Variants in FBXO48 observed in about 807,000 individuals in gnomAD.
FBXO48 encodes F-box protein 48.
In FBXO48, 12 loss-of-function variants were observed where a neutral mutation model predicts 14.3. That is an observed-to-expected ratio of 0.84 (90% CI 0.54 to 1.36). The LOEUF is 1.36. Ranked by LOEUF, FBXO48 falls within the 40% of genes most tolerant of loss-of-function variation. FBXO48 has a pLI of 0.00. For synonymous variants in FBXO48, 53 were observed against 61.7 expected, an observed-to-expected ratio of 0.86 and a Z score of 0.66; for missense variants, 177 against 179.1, an observed-to-expected ratio of 0.99 and a Z score of 0.07.
rs977276762 is a variant in FBXO48 at position 68,460,859 on chromosome 2, T to C, written c.*3350A>G. 2 of 152,064 alleles carry C rather than the reference T, an allele frequency of 1.3e-5. No individual in the cohort carries two copies. Among genetic ancestry groups the C allele is most frequent in the South Asian group, 2.1e-4 (1 of 4,824 alleles). 9.4% of individuals were successfully genotyped at this position (152,064 alleles called of 1,614,324 possible). ...TCCAAGAGACTATAGTTCCAACCCA[T>C]GGAGGAGAGAGTTTTAAGAAGTACT... On this transcript the variant is annotated 3_prime_UTR_variant, in exon 4 of 4. Transcript: ENST00000377957.
Position 68,465,030 on chromosome 2 carries a change from G to C in FBXO48, c.116C>G (p.Pro39Arg). 1 of 1,613,986 alleles carries C rather than the reference G, an allele frequency of 6.2e-7. No individual in the cohort carries two copies. Residue 39 changes from proline (P) to arginine (R), a missense_variant, in exon 3 of 4, where the codon CCT (proline) becomes CGT (arginine). Pro to Arg is a moderately radical substitution (Grantham distance 103). Coordinates refer to ENST00000377957, the MANE Select transcript of FBXO48 (RefSeq NM_001024680.3). ...GAAAATTTTAAAAGTGATTTCTGCAGGCAGCAGTTCAAAAAAGTTGTTTTG... is the reference window on the plus strand; with the variant it reads ...GAAAATTTTAAAAGTGATTTCTGCACGCAGCAGTTCAAAAAAGTTGTTTTG... Reference protein sequence around the residue: ...ESQNNFFELLPAEITFKIFSQ... With the variant: ...ESQNNFFELLRAEITFKIFSQ...
In FBXO48 at chr2:68,464,921, TAA is replaced by T. The variant is rs1345637674; in HGVS notation, c.223_224del (p.Leu75MetfsTer18). 14 of 1,613,844 alleles carry T rather than the reference TAA, an allele frequency of 8.7e-6. No individual in the cohort carries two copies. Among genetic ancestry groups the T allele is most frequent in the South Asian group, 2.2e-5 (2 of 91,080 alleles). ...TTACAGTCATGCAGTGAGGTTTCCA[TAA>T]AGAGTCACTGTTTCTTATTGTGTCA... ...WNDTIRNSDS[L>X]WKPHCMTVRA... On this transcript the variant is annotated frameshift_variant, in exon 3 of 4. Coordinates refer to ENST00000377957, the MANE Select transcript of FBXO48 (RefSeq NM_001024680.3). LOFTEE classifies it high-confidence loss of function.
In FBXO48 at chr2:68,464,172, A is replaced by G; in HGVS notation, c.*37T>C. 4 of 1,595,812 alleles carry G rather than the reference A, an allele frequency of 2.5e-6. No homozygotes were observed. Among genetic ancestry groups the G allele is most frequent in the East Asian group, 2.2e-5 (1 of 44,580 alleles). On this transcript the variant is annotated 3_prime_UTR_variant, in exon 4 of 4. Transcript: ENST00000377957. ...AACCTAAGAGTCATTTAAGTTTTAA[A>G]CTTTCAAAGACCTGAGATTTGTGAT...
At position 68,460,981 on chromosome 2, in the gene FBXO48, C is replaced by G. The variant is rs532103559; in HGVS notation, c.*3228G>C. On this transcript the variant is annotated 3_prime_UTR_variant, in exon 4 of 4. Coordinates refer to ENST00000377957, the MANE Select transcript of FBXO48 (RefSeq NM_001024680.3). ...CATTAAGTCACTTGTAATTTGGATA[C>G]CAACAGTTTCAACCATATGGAGTGA... 1 of 152,264 alleles carries G rather than the reference C, an allele frequency of 6.6e-6. No individual in the cohort carries two copies. The highest frequency in any genetic ancestry group is 2.4e-5 in the African/African-American group (1 of 41,548). The allele number at this position is 152,264 out of a possible 1,614,324, so 9.4% of individuals were successfully genotyped here.
Position 68,459,689 on chromosome 2 carries a change from C to G in FBXO48, c.*4520G>C, listed in dbSNP as rs1425811157. On this transcript the variant is annotated 3_prime_UTR_variant, in exon 4 of 4. Coordinates refer to ENST00000377957, the MANE Select transcript of FBXO48 (RefSeq NM_001024680.3). ...AATAATTTAACAAATCTTTATAGAG[C>G]ATCTAGTGTGTGCCAGGTTTTGAAG... is the stretch of plus-strand genomic sequence containing the variant. 1 of 151,856 alleles carries G rather than the reference C, an allele frequency of 6.6e-6. No individual in the cohort carries two copies. Among genetic ancestry groups the G allele is most frequent in the East Asian group, 1.9e-4 (1 of 5,204 alleles). The allele number at this position is 151,856 out of a possible 1,614,324, so 9.4% of individuals were successfully genotyped here.
At chr2:68,464,518 T>C (rs1675348356) in intron 3 of FBXO48, 148 bp from the exon 4 acceptor site, 7 of 688,064 alleles carry the variant, frequency 1.0e-5, no homozygotes, top group Non-Finnish European at 1.7e-5. Context: ...TGTGTCTGTG[T>C]ACGTGTGTGT....
At position 68,463,285 on chromosome 2, in the gene FBXO48, T is replaced by C. The variant is rs1009484781; in HGVS notation, c.*924A>G. The C allele has an allele frequency of 1.3e-5, 2 of 152,116 alleles. No individual in the cohort carries two copies. The highest frequency in any genetic ancestry group is 2.9e-5 in the Non-Finnish European group (2 of 68,028). The allele number at this position is 152,116 out of a possible 1,614,324, so 9.4% of individuals were successfully genotyped here. A position where few individuals can be genotyped will look rare whatever the true frequency, so the allele number is the denominator to read the frequency against. Reference sequence around the variant, plus strand: ...AGAATAAACAATTTGTTATAGTGAGTAGCATATAATCTGTTTTTATGAAAA... The same window carrying C: ...AGAATAAACAATTTGTTATAGTGAGCAGCATATAATCTGTTTTTATGAAAA... On this transcript the variant is annotated 3_prime_UTR_variant, in exon 4 of 4. Transcript: ENST00000377957.
Position 68,461,357 on chromosome 2 carries a change from C to T in FBXO48, c.*2852G>A, listed in dbSNP as rs2103848592. On this transcript the variant is annotated 3_prime_UTR_variant, in exon 4 of 4. Coordinates refer to ENST00000377957, the MANE Select transcript of FBXO48 (RefSeq NM_001024680.3). The stretch of plus-strand genomic sequence containing the variant: ...CAGGCCGGACTGCGGACTGCAGTGG[C>T]GCAATCTCGGCTCACTGCAAGCTCC... 7.1e-6 allele frequency: 1 copy of T among 140,546 alleles called. No individual in the cohort carries two copies. Among genetic ancestry groups the T allele is most frequent in the South Asian group, 2.2e-4 (1 of 4,498 alleles). 8.7% of individuals were successfully genotyped at this position (140,546 alleles called of 1,614,324 possible).
In FBXO48 at chr2:68,464,292, G is replaced by C; in HGVS notation, c.385C>G (p.Pro129Ala). The stretch of plus-strand genomic sequence containing the variant: ...ATGATTTTTTCTGGTAGGCTAATGG[G>C]AGAACAAATGTTGCTGTATCTGCCA... Reference protein sequence around the residue: ...LSGRYSNICSPISLPEKIMYP... With the variant: ...LSGRYSNICSAISLPEKIMYP... Residue 129 changes from proline (P) to alanine (A), a missense_variant, in exon 4 of 4, where the codon CCC becomes GCC. By Grantham distance (27) the Pro-to-Ala change is conservative. Transcript: ENST00000377957. 1.9e-6 allele frequency: 3 copies of C among 1,613,626 alleles called. No individual in the cohort carries two copies. The highest frequency in any genetic ancestry group is 2.5e-6 in the Non-Finnish European group (3 of 1,179,836).
At position 68,465,010 on chromosome 2, in the gene FBXO48, T is replaced by C; in HGVS notation, c.136A>G (p.Ile46Val). The C allele has an allele frequency of 6.2e-7, 1 of 1,613,980 alleles. No individual in the cohort carries two copies. Among genetic ancestry groups the C allele is most frequent in the Non-Finnish European group, 8.5e-7 (1 of 1,180,030 alleles). ...ELLPAEITFK[I>V]FSQLDIRSLC... ...CTCCGAATGTCCAGCTGACTGAAAA[T>C]TTTAAAAGTGATTTCTGCAGGCAGC... The change falls in exon 3 of 4, where the codon ATT becomes GTT. Residue 46 changes from isoleucine (I) to valine (V), a missense_variant. Transcript: ENST00000377957.
In FBXO48 at chr2:68,460,754, A is replaced by G. The variant is rs1261782954; in HGVS notation, c.*3455T>C. On this transcript the variant is annotated 3_prime_UTR_variant, in exon 4 of 4. Transcript: ENST00000377957. ...ACAACAGGTGGAACTTTGGGGGAAC[A>G]CTAACATGTAATGAGTAGGTGAAGG... 3 of 152,190 alleles carry G rather than the reference A, an allele frequency of 2.0e-5. No homozygotes were observed. The highest frequency in any genetic ancestry group is 4.8e-5 in the African/African-American group (2 of 41,438). 9.4% of individuals were successfully genotyped at this position (152,190 alleles called of 1,614,324 possible).
At chr2:68,465,531 A>G (rs1348229657) in intron 2 of FBXO48, among the ~76,000 whole-genome samples, 2 of 151,088 alleles carry the variant, frequency 1.3e-5, no homozygotes, top group Non-Finnish European at 3.0e-5. Flanking sequence ...TTAAAAAAAA[A>G]AAAAAGAAAA....
chr2:68,465,036 A>T lies in FBXO48; in HGVS notation c.110T>A (p.Leu37Gln). ...TTTAAAAGTGATTTCTGCAGGCAGC[A>T]GTTCAAAAAAGTTGTTTTGACTCTC... ...KNESQNNFFE[L>Q]LPAEITFKIF... Residue 37 changes from leucine to glutamine, a missense_variant, in exon 3 of 4, where the codon CTG (leucine) becomes CAG (glutamine). Physicochemically the swap from Leu to Gln is moderately radical, Grantham distance 113. Transcript: ENST00000377957. The T allele has an allele frequency of 1.2e-6, 2 of 1,614,044 alleles. No individual in the cohort carries two copies. Among genetic ancestry groups the T allele is most frequent in the Non-Finnish European group, 1.7e-6 (2 of 1,180,034 alleles).
In FBXO48 at chr2:68,462,694, T is replaced by C. The variant is rs1219789728; in HGVS notation, c.*1515A>G. The C allele has an allele frequency of 6.6e-6, 1 of 152,232 alleles. No homozygotes were observed. Among genetic ancestry groups the C allele is most frequent in the Admixed American group, 6.5e-5 (1 of 15,280 alleles). 9.4% of individuals were successfully genotyped at this position (152,232 alleles called of 1,614,324 possible). ...TTAAGAGTAAATGGGCAGAAGAGAA[T>C]GTTGTTGGGTCTAGAAATTATACTC... On this transcript the variant is annotated 3_prime_UTR_variant, in exon 4 of 4. Coordinates refer to ENST00000377957, the MANE Select transcript of FBXO48 (RefSeq NM_001024680.3).
rs1232683605 is a variant in FBXO48 at position 68,460,639 on chromosome 2, G to A, written c.*3570C>T. ...TCATGGAGATCTGATGTTGGGACACGGACATAGACGGCATTAGCACCAACA... is the reference window on the plus strand; with the variant it reads ...TCATGGAGATCTGATGTTGGGACACAGACATAGACGGCATTAGCACCAACA... On this transcript the variant is annotated 3_prime_UTR_variant, in exon 4 of 4. Transcript: ENST00000377957. 1.3e-5 allele frequency: 2 copies of A among 151,944 alleles called. No individual in the cohort carries two copies. Among genetic ancestry groups the A allele is most frequent in the Admixed American group, 1.3e-4 (2 of 15,240 alleles). 9.4% of individuals were successfully genotyped at this position (151,944 alleles called of 1,614,324 possible). A position where few individuals can be genotyped will look rare whatever the true frequency, so the allele number is the denominator to read the frequency against.
chr2:68,459,678 T>A lies in FBXO48; in HGVS notation c.*4531A>T, dbSNP rs1447444464. On this transcript the variant is annotated 3_prime_UTR_variant, in exon 4 of 4. Coordinates refer to ENST00000377957, the MANE Select transcript of FBXO48 (RefSeq NM_001024680.3). ...ATAACTATAGAAATAATTTAACAAA[T>A]CTTTATAGAGCATCTAGTGTGTGCC... 4 of 152,096 alleles carry A rather than the reference T, an allele frequency of 2.6e-5. No individual in the cohort carries two copies. Among genetic ancestry groups the A allele is most frequent in the Non-Finnish European group, 5.9e-5 (4 of 68,024 alleles). The allele number at this position is 152,096 out of a possible 1,614,324, so 9.4% of individuals were successfully genotyped here. A position where few individuals can be genotyped will look rare whatever the true frequency, so the allele number is the denominator to read the frequency against.
rs1378589367 is a variant in FBXO48 at position 68,462,737 on chromosome 2, T to C, written c.*1472A>G. 2.6e-5 allele frequency: 4 copies of C among 152,188 alleles called. No individual in the cohort carries two copies. Among genetic ancestry groups the C allele is most frequent in the African/African-American group, 4.8e-5 (2 of 41,428 alleles). 9.4% of individuals were successfully genotyped at this position (152,188 alleles called of 1,614,324 possible). ...TTATACTCTATGATCATCAGTGGAA[T>C]TGGAGAGAAGACATAGGAAGAGACA... is the stretch of plus-strand genomic sequence containing the variant. On this transcript the variant is annotated 3_prime_UTR_variant, in exon 4 of 4. Transcript: ENST00000377957.
In FBXO48 at chr2:68,463,604, T is replaced by TG. The variant is rs1675321088; in HGVS notation, c.*604_*605insC. On this transcript the variant is annotated 3_prime_UTR_variant, in exon 4 of 4. Transcript: ENST00000377957. The stretch of plus-strand genomic sequence containing the variant: ...AGAGCCGTTCCAGGTTTATATAAAA[T>TG]TAATGGGAATCTCAATTGGACAAAC... 1 of 152,132 alleles carries TG rather than the reference T, an allele frequency of 6.6e-6. No homozygotes were observed. Among genetic ancestry groups the TG allele is most frequent in the Non-Finnish European group, 1.5e-5 (1 of 68,048 alleles). 9.4% of individuals were successfully genotyped at this position (152,132 alleles called of 1,614,324 possible).
rs1553365872 is a variant in FBXO48, at chr2:68,461,739, T to TG, written c.*2469_*2470insC. 1,442 of 135,314 alleles carry TG rather than the reference T, an allele frequency of 0.011. 28 individuals carry two copies. The highest frequency in any genetic ancestry group is 0.037 in the African/African-American group (1,372 of 37,230). The allele number at this position is 135,314 out of a possible 1,614,324, so 8.4% of individuals were successfully genotyped here. A position where few individuals can be genotyped will look rare whatever the true frequency, so the allele number is the denominator to read the frequency against. On this transcript the variant is annotated 3_prime_UTR_variant, in exon 4 of 4. Transcript: ENST00000377957. ...GGAGGCTGGGAAAAACAGGATAATG[T>TG]AAAAAAAAAAAAACAAGAAAACAAA...
Sources: gnomAD v4.1 joint callset for allele counts (sites outside exome capture counted in the v4.1 genomes callset) on GRCh38, gnomAD v4.1.1 for gene constraint, MANE v1.5 for transcripts, NCBI Gene and HGNC (gene_info 2026-07-23, HGNC 2026-07-21) for gene names.